The following DLG1 variants were observed in gnomAD, a reference collection of about 807,000 sequenced individuals.
The protein encoded by DLG1 is discs large MAGUK scaffold protein 1, also known as disks large homolog 1.
In DLG1, 42 loss-of-function variants were observed where a neutral mutation model predicts 123.4. The observed-to-expected ratio is 0.34, with a 90% CI of 0.27 to 0.44. The LOEUF (loss-of-function observed/expected upper bound fraction) is 0.44. DLG1 is among the 20% of genes least tolerant of loss of function. The pLI is 1.00. For synonymous variants in DLG1, 317 were observed against 356.2 expected (o/e 0.89, Z 1.24); for missense variants, 942 against 1,082.6 (o/e 0.87, Z 1.82).
chr3:197,287,092 A>G (rs1772238554), intron 3 of DLG1, among the ~76,000 whole-genome samples: 1 of 151,814 alleles, frequency 6.6e-6, no homozygotes, highest in Non-Finnish European at 1.5e-5. Flanking sequence ...GCTGGTCTCA[A>G]ACTCCTGGGC....
At chr3:197,064,670 C>A (rs190165051) in intron 22 of DLG1, among the ~76,000 whole-genome samples, 256 of 151,846 alleles carry the variant, frequency 1.7e-3, no homozygotes, top group African/African-American at 5.5e-3. Flanking sequence ...GGAATATTAG[C>A]CCTTTTCTTG....
At chr3:197,196,516 G>A (rs1299784136) in intron 4 of DLG1, among the ~76,000 whole-genome samples, 1 of 152,164 alleles carries the variant, frequency 6.6e-6, no homozygotes, top group Non-Finnish European at 1.5e-5. Context: ...TAGATATAAG[G>A]AAGGAAATGT....
chr3:197,140,325 G>C, intron 7 of DLG1, 61 bp from the exon 8 acceptor site: 2 of 1,546,374 alleles, frequency 1.3e-6, no homozygotes, highest in Non-Finnish European at 1.8e-6. Flanking sequence ...ACAGGTTCCT[G>C]TCATTAAAGG....
intron 12 of DLG1, among the ~76,000 whole-genome samples, chr3:197,118,616 G>GT (rs1404765822): frequency 6.6e-6 from 1 of 152,090 alleles, no homozygotes; most frequent in African/African-American, 2.4e-5. Context: ...TGTTGAATCT[G>GT]TAATATAAAA....
intron 16 of DLG1, 132 bp downstream of exon 16, chr3:197,085,444 GTCTT>G: frequency 1.2e-6 from 1 of 828,014 alleles, no homozygotes; most frequent in Non-Finnish European, 1.9e-6. Context: ...TACGATTTTT[GTCTT>G]TCTGTGTCTG....
intron 14 of DLG1, among the ~76,000 whole-genome samples, chr3:197,094,762 A>G (rs1295854222): frequency 1.3e-5 from 2 of 152,190 alleles, no homozygotes; most frequent in Non-Finnish European, 2.9e-5. Flanking sequence ...ATTTGTTGAT[A>G]TATTTGATTC....
At chr3:197,054,235 CCTG>C (rs1730051848) in intron 23 of DLG1, among the ~76,000 whole-genome samples, 1 of 152,154 alleles carries the variant, frequency 6.6e-6, no homozygotes. Flanking sequence ...CTAAGTTTAT[CCTG>C]CTTTGAGTTC....
At chr3:197,253,670 T>C (rs1049969607) in intron 4 of DLG1, among the ~76,000 whole-genome samples, 2 of 151,902 alleles carry the variant, frequency 1.3e-5, no homozygotes, top group African/African-American at 2.4e-5. Context: ...AACAGATCAG[T>C]GGTTGCTTTG....
At chr3:197,102,069 T>C (rs1239878298) in intron 14 of DLG1, among the ~76,000 whole-genome samples, 2 of 152,198 alleles carry the variant, frequency 1.3e-5, no homozygotes, top group African/African-American at 4.8e-5. Flanking sequence ...TTTCTGATAA[T>C]GATTCTCCAA....
At chr3:197,067,883 A>G (rs1305301623) in intron 19 of DLG1, among the ~76,000 whole-genome samples, 4 of 138,512 alleles carry the variant, frequency 2.9e-5, no homozygotes, top group African/African-American at 5.8e-5. Context: ...TTAAACTAAC[A>G]CACACACATC....
chr3:197,269,915 G>A (rs73210581), intron 4 of DLG1, among the ~76,000 whole-genome samples: 289 of 152,242 alleles, frequency 1.9e-3, no homozygotes, highest in Non-Finnish European at 3.3e-3. Flanking sequence ...TATTAATATT[G>A]TAAACTATTA....
At chr3:197,138,129 C>T (rs1786043040) in intron 9 of DLG1, 93 bp downstream of exon 9, 1 of 678,836 alleles carries the variant, frequency 1.5e-6, no homozygotes, top group East Asian at 3.0e-5. Flanking sequence ...ATTACTAATA[C>T]TGTACTTGGA....
intron 5 of DLG1, among the ~76,000 whole-genome samples, chr3:197,192,930 G>GTAT (rs968791642): frequency 2.0e-5 from 3 of 152,166 alleles, no homozygotes; most frequent in African/African-American, 7.2e-5. Context: ...ATATTAAAAG[G>GTAT]TATTAGCAGG....
chr3:197,295,709 T>C (rs1443085913), intron 3 of DLG1, among the ~76,000 whole-genome samples: 2 of 152,238 alleles, frequency 1.3e-5, no homozygotes, highest in East Asian at 3.8e-4. Context: ...ACAGCTAATA[T>C]GGTGGCATAG....
chr3:197,194,358 G>C (rs1486720378), intron 5 of DLG1, 67 bp downstream of exon 5: 5 of 1,067,174 alleles, frequency 4.7e-6, no homozygotes, highest in Non-Finnish European at 6.3e-6. Context: ...TTCTCTCCGA[G>C]CATGAGCTAT....
At chr3:197,127,039 A>C (rs1184174444) in intron 11 of DLG1, among the ~76,000 whole-genome samples, 3 of 152,178 alleles carry the variant, frequency 2.0e-5, no homozygotes, top group Non-Finnish European at 4.4e-5. Context: ...AACTCAATGC[A>C]AAGAACAAAT....
At chr3:197,135,458 G>T (rs941111794) in intron 10 of DLG1, among the ~76,000 whole-genome samples, 1 of 152,176 alleles carries the variant, frequency 6.6e-6, no homozygotes, top group Non-Finnish European at 1.5e-5. Context: ...GGGCGTGTTT[G>T]CTTTCCCCCA....
intron 15 of DLG1, among the ~76,000 whole-genome samples, chr3:197,088,923 C>T (rs993078415): frequency 1.3e-5 from 2 of 152,178 alleles, no homozygotes; most frequent in African/African-American, 4.8e-5. Flanking sequence ...ACTGTAAATG[C>T]TATTAGTTTT....
chr3:197,286,442 G>A (rs767249736), intron 3 of DLG1, among the ~76,000 whole-genome samples: 12 of 152,256 alleles, frequency 7.9e-5, no homozygotes, highest in South Asian at 2.1e-4. Flanking sequence ...TCCCTTGCAC[G>A]CGCAGTTCAC....
Sources: gnomAD v4.1 joint callset for allele counts (sites outside exome capture counted in the v4.1 genomes callset) on GRCh38, gnomAD v4.1.1 for gene constraint, MANE v1.5 for transcripts, NCBI Gene and HGNC (gene_info 2026-07-23, HGNC 2026-07-21) for gene names.